MYT1L: variants seen among roughly 807,000 people sequenced by gnomAD.
MYT1L encodes the protein myelin transcription factor 1-like protein.
A neutral mutation model predicts 126.7 loss-of-function variants in MYT1L; 12 were observed. The ratio of observed to expected loss-of-function variants is 0.09; its 90% CI spans 0.06 to 0.15. The LOEUF (loss-of-function observed/expected upper bound fraction) is 0.15. MYT1L is among the 10% of genes least tolerant of loss of function. The pLI, the probability that MYT1L is intolerant of heterozygous loss-of-function variation, is 1.00. For missense variants in MYT1L, 979 were observed against 1,585.2 expected (o/e 0.62, Z 6.49); for synonymous variants, 541 against 604.2 (o/e 0.90, Z 1.53).
At chr2:2,050,196 G>T (rs764967067) in intron 4 of MYT1L, among the ~76,000 whole-genome samples, 3 of 151,986 alleles carry the variant, frequency 2.0e-5, no homozygotes, top group Non-Finnish European at 4.4e-5. Context: ...GTAGAGATTT[G>T]CCCAAAAACA....
At chr2:2,145,351 G>A (rs1488259083) in intron 3 of MYT1L, among the ~76,000 whole-genome samples, 1 of 152,166 alleles carries the variant, frequency 6.6e-6, no homozygotes, top group African/African-American at 2.4e-5. Flanking sequence ...AGCGCTTCCT[G>A]AACACGCCGT....
chr2:2,243,248 G>A (rs1017809898), intron 2 of MYT1L, among the ~76,000 whole-genome samples: 18 of 152,184 alleles, frequency 1.2e-4, no homozygotes, highest in African/African-American at 4.3e-4. Context: ...TCAAGGTTTG[G>A]ACAGGCATGT....
intron 18 of MYT1L, among the ~76,000 whole-genome samples, chr2:1,862,861 A>G (rs972713357): frequency 1.8e-4 from 27 of 152,128 alleles, no homozygotes; most frequent in African/African-American, 6.3e-4. Flanking sequence ...AGGGAAAATC[A>G]AGAAGGAGAG....
chr2:2,163,048 A>G (rs1448146580), intron 3 of MYT1L, among the ~76,000 whole-genome samples: 1 of 152,206 alleles, frequency 6.6e-6, no homozygotes, highest in East Asian at 1.9e-4. Context: ...AGCTCCAGGT[A>G]GAATGTAGAA....
intron 3 of MYT1L, among the ~76,000 whole-genome samples, chr2:2,102,364 T>C (rs1384516158): frequency 2.0e-5 from 3 of 152,220 alleles, no homozygotes; most frequent in Non-Finnish European, 4.4e-5. Flanking sequence ...CAAATGTTTA[T>C]AGGTAAGTTG....
At chr2:1,857,134 G>A (rs1045444508) in intron 18 of MYT1L, among the ~76,000 whole-genome samples, 1 of 152,136 alleles carries the variant, frequency 6.6e-6, no homozygotes, top group Non-Finnish European at 1.5e-5. Flanking sequence ...AGTCATCAGG[G>A]CCTGGGAGTC....
At chr2:2,109,785 C>G (rs962593958) in intron 3 of MYT1L, among the ~76,000 whole-genome samples, 3 of 149,816 alleles carry the variant, frequency 2.0e-5, no homozygotes, top group African/African-American at 7.4e-5. Flanking sequence ...GGATTTCTCT[C>G]TCACACACAC....
At chr2:2,238,599 C>T (rs2094374400) in intron 2 of MYT1L, among the ~76,000 whole-genome samples, 1 of 152,196 alleles carries the variant, frequency 6.6e-6, no homozygotes, top group Non-Finnish European at 1.5e-5. Context: ...AAGGGATCGG[C>T]ACCCACCAGC....
chr2:1,887,420 T>G lies in MYT1L; in HGVS notation c.2642+68A>C. On this transcript the variant is annotated intron_variant, in intron 17 of 24. Transcript: ENST00000647738. The surrounding 1 kb of genome is among the most constrained non-coding windows in gnomAD (Gnocchi z 4.8). The stretch of plus-strand genomic sequence containing the variant: ...AACGGCAAGGCATATACAGATCCAG[T>G]TTTAAAAAATCAGCCAAAGAATGGG... The G allele has an allele frequency of 6.2e-7, 1 of 1,605,966 alleles. No individual in the cohort carries two copies. The highest frequency in any genetic ancestry group is 8.5e-7 in the Non-Finnish European group (1 of 1,173,212).
intron 3 of MYT1L, among the ~76,000 whole-genome samples, chr2:2,162,131 C>T (rs2148438073): frequency 6.6e-6 from 1 of 152,288 alleles, no homozygotes; most frequent in East Asian, 1.9e-4. Context: ...CTCAGACCAG[C>T]AAGCTCACCA....
At chr2:2,192,432 T>G (rs930621501) in intron 2 of MYT1L, among the ~76,000 whole-genome samples, 1 of 134,546 alleles carries the variant, frequency 7.4e-6, no homozygotes, top group Non-Finnish European at 1.6e-5. Context: ...TTTTTTTTTT[T>G]CATATAGGAT....
At position 1,910,235 on chromosome 2, in the gene MYT1L, G is replaced by A; in HGVS notation, c.1817+5C>T. 6.2e-7 allele frequency: 1 copy of A among 1,612,124 alleles called. No individual in the cohort carries two copies. The highest frequency in any genetic ancestry group is 2.2e-5 in the East Asian group (1 of 44,858). On this transcript the variant is annotated splice_donor_5th_base_variant and intron_variant, in intron 13 of 24. Coordinates refer to ENST00000647738, the MANE Select transcript of MYT1L (RefSeq NM_001303052.2). The surrounding 1 kb of genome is among the most constrained non-coding windows in gnomAD (Gnocchi z 4.8). ...GCTCACGGATGGTGCACTCCTGCTG[G>A]GTACCTGAGCACGCGGTCCGAGGCC... is the stretch of plus-strand genomic sequence containing the variant.
At chr2:1,885,234 G>A (rs1267336569) in intron 18 of MYT1L, 1 of 152,476 alleles carries the variant, frequency 6.6e-6, no homozygotes, top group Non-Finnish European at 1.5e-5. Context: ...ATGTGGTTTC[G>A]AGCCATACAA....
At chr2:2,023,278 C>T (rs1047996835) in intron 4 of MYT1L, among the ~76,000 whole-genome samples, 1 of 152,180 alleles carries the variant, frequency 6.6e-6, no homozygotes, top group East Asian at 1.9e-4. Context: ...GAGTGTTGGG[C>T]TGGACTGCAT....
At chr2:2,076,200 G>T (rs937049293) in intron 3 of MYT1L, among the ~76,000 whole-genome samples, 2 of 152,116 alleles carry the variant, frequency 1.3e-5, no homozygotes, top group East Asian at 1.9e-4. Context: ...AGAGAACTTT[G>T]GAAAACTCTC....
At chr2:2,316,127 C>T (rs1305664416) in intron 1 of MYT1L, among the ~76,000 whole-genome samples, 3 of 152,120 alleles carry the variant, frequency 2.0e-5, no homozygotes, top group African/African-American at 4.8e-5. Context: ...GAGATTCAGG[C>T]GTGGAGAGAG....
chr2:1,842,921 G>GCTTCCAGGCGCTTCCC (rs2041979373), intron 19 of MYT1L: 1 of 176,074 alleles, frequency 5.7e-6, no homozygotes, highest in African/African-American at 2.4e-5. Context: ...AGGCGCTTCC[G>GCTTCCAGGCGCTTCCC]CTTCCAGGCG....
intron 4 of MYT1L, among the ~76,000 whole-genome samples, chr2:2,025,720 C>T (rs1198092341): frequency 2.0e-5 from 3 of 152,150 alleles, no homozygotes; most frequent in Non-Finnish European, 1.5e-5. Context: ...ACTCGTTCAC[C>T]GAAACACAAT....
At chr2:2,046,392 T>A (rs557275468) in intron 4 of MYT1L, among the ~76,000 whole-genome samples, 2 of 152,368 alleles carry the variant, frequency 1.3e-5, no homozygotes, top group East Asian at 1.9e-4. Flanking sequence ...GAATATAGCA[T>A]GATTTATTTC....
Sources: gnomAD v4.1 joint callset for allele counts (sites outside exome capture counted in the v4.1 genomes callset) on GRCh38, gnomAD v4.1.1 for gene constraint, Gnocchi (gnomAD v3.1) non-coding constraint, MANE v1.5 for transcripts, NCBI Gene and HGNC (gene_info 2026-07-23, HGNC 2026-07-21) for gene names.